Variants in NIPSNAP2 observed in about 807,000 individuals in gnomAD.
NIPSNAP2 encodes protein NipSnap homolog 2.
A neutral mutation model predicts 48.4 loss-of-function variants in NIPSNAP2; 42 were observed. The observed-to-expected ratio is 0.87, with a 90% CI of 0.68 to 1.12. NIPSNAP2 has a LOEUF of 1.12. Ranked by LOEUF, NIPSNAP2 falls within the 50% of genes most tolerant of loss-of-function variation. NIPSNAP2 has a pLI of 0.00. For missense variants in NIPSNAP2, 314 were observed against 347.3 expected, an observed-to-expected ratio of 0.90 and a Z score of 0.76; for synonymous variants, 158 against 126.6, an observed-to-expected ratio of 1.25 and a Z score of -1.67.
At chr7:55,995,409 C>A (rs1456782927) in intron 8 of NIPSNAP2, among the ~76,000 whole-genome samples, 3 of 152,178 alleles carry the variant, frequency 2.0e-5, no homozygotes, top group Non-Finnish European at 4.4e-5. Flanking sequence ...TCCACTGTCT[C>A]ATGACATTGA....
At chr7:55,983,524 A>G (rs1284111150) in intron 5 of NIPSNAP2, among the ~76,000 whole-genome samples, 1 of 152,232 alleles carries the variant, frequency 6.6e-6, no homozygotes, top group Non-Finnish European at 1.5e-5. Flanking sequence ...GTAATTTGTC[A>G]TCTAAACCTG....
intron 7 of NIPSNAP2, among the ~76,000 whole-genome samples, chr7:55,991,011 G>A (rs528707404): frequency 3.9e-5 from 6 of 151,924 alleles, no homozygotes; most frequent in South Asian, 2.1e-4. Flanking sequence ...GGCTGATCTC[G>A]AACTTCTGAC....
intron 7 of NIPSNAP2, among the ~76,000 whole-genome samples, chr7:55,991,210 T>G (rs889485477): frequency 5.9e-5 from 9 of 152,232 alleles, no homozygotes; most frequent in African/African-American, 2.2e-4. Context: ...CTTTCCTCCT[T>G]AGATCATCAA....
chr7:55,986,888 C>T (rs1017086632), intron 7 of NIPSNAP2, among the ~76,000 whole-genome samples: 16 of 146,058 alleles, frequency 1.1e-4, no homozygotes, highest in African/African-American at 3.3e-4. Flanking sequence ...GGCTCACACC[C>T]GTAATCCTAG....
chr7:55,981,053 C>T (rs1787205094), intron 3 of NIPSNAP2: 1 of 152,762 alleles, frequency 6.5e-6, no homozygotes, highest in Non-Finnish European at 1.5e-5. Flanking sequence ...TCCTCCCTTT[C>T]CATCTTCCTT....
intron 1 of NIPSNAP2, among the ~76,000 whole-genome samples, chr7:55,973,429 A>G (rs564585701): frequency 6.6e-6 from 1 of 151,680 alleles, no homozygotes; most frequent in Non-Finnish European, 1.5e-5. Context: ...TTTCTTTATA[A>G]TTATTTATAG....
At chr7:55,982,354 T>C in intron 5 of NIPSNAP2, 74 bp downstream of exon 5, 1 of 915,880 alleles carries the variant, frequency 1.1e-6, no homozygotes, top group Non-Finnish European at 1.7e-6. Context: ...GACTTTTCTG[T>C]CTTCAGTTTT....
At chr7:55,998,290 A>T (rs1267374130) in intron 9 of NIPSNAP2, among the ~76,000 whole-genome samples, 1 of 152,072 alleles carries the variant, frequency 6.6e-6, no homozygotes, top group East Asian at 1.9e-4. Flanking sequence ...CTACCAAGAA[A>T]ATAAAAGAGT....
At chr7:55,998,500 T>TTG (rs1228971366) in intron 9 of NIPSNAP2, among the ~76,000 whole-genome samples, 3 of 127,130 alleles carry the variant, frequency 2.4e-5, no homozygotes, top group Non-Finnish European at 5.0e-5. Flanking sequence ...TCTGTTTTTT[T>TTG]TTTTTTTTTT....
At chr7:55,984,120 A>G (rs1321727193) in intron 6 of NIPSNAP2, among the ~76,000 whole-genome samples, 1 of 145,158 alleles carries the variant, frequency 6.9e-6, no homozygotes, top group Non-Finnish European at 1.6e-5. Context: ...AAGAAGAAAG[A>G]CCTAAAGTGC....
intron 3 of NIPSNAP2, chr7:55,979,985 C>T (rs866740478): frequency 5.1e-6 from 2 of 390,358 alleles, no homozygotes; most frequent in South Asian, 3.7e-5. Flanking sequence ...ACCTGGGCCC[C>T]GTTGCCAGGC....
chr7:55,986,687 G>T (rs924549259), intron 7 of NIPSNAP2, among the ~76,000 whole-genome samples: 4 of 149,764 alleles, frequency 2.7e-5, no homozygotes, highest in African/African-American at 5.0e-5. Flanking sequence ...CTTACTTTCA[G>T]TGATACTAAA....
intron 1 of NIPSNAP2, among the ~76,000 whole-genome samples, chr7:55,966,116 G>A (rs1285450734): frequency 1.8e-4 from 28 of 152,186 alleles, no homozygotes; most frequent in Admixed American, 1.8e-3. Context: ...GAAGAATTCA[G>A]AGCAGTTTAG....
At position 55,997,594 on chromosome 7, in the gene NIPSNAP2, A is replaced by G. The variant is rs563627234; in HGVS notation, c.796+145A>G. On this transcript the variant is annotated intron_variant, in intron 9 of 9. Transcript: ENST00000322090. ...GTTGTGGGGGGAAGGGAGATAGTCAATTTTTCTCTAATACTTACATGACTT... is the reference window on the plus strand; with the variant it reads ...GTTGTGGGGGGAAGGGAGATAGTCAGTTTTTCTCTAATACTTACATGACTT... 188 of 587,518 alleles carry G rather than the reference A, an allele frequency of 3.2e-4. 1 individual carries two copies. Among genetic ancestry groups the G allele is most frequent in the Non-Finnish European group, 4.4e-4 (145 of 330,812 alleles). The allele number at this position is 587,518 out of a possible 1,614,324, so 36.4% of individuals were successfully genotyped here.
intron 1 of NIPSNAP2, among the ~76,000 whole-genome samples, chr7:55,976,182 CTG>C (rs78423066): frequency 0.18 from 28,120 of 152,148 alleles, 3,093 homozygotes; most frequent in East Asian, 0.34. Context: ...ACAGCTCACT[CTG>C]TATGTGTATA....
chr7:55,991,961 A>T (rs993962280), intron 7 of NIPSNAP2: 1 of 170,452 alleles, frequency 5.9e-6, no homozygotes, highest in Non-Finnish European at 1.3e-5. Context: ...AATATTTATC[A>T]CTATCAATGA....
At chr7:55,984,953 G>GA (rs1399244752) in intron 7 of NIPSNAP2, 75 bp downstream of exon 7, 17 of 1,181,186 alleles carry the variant, frequency 1.4e-5, no homozygotes, top group Non-Finnish European at 1.9e-5. Context: ...TAATTCTAGG[G>GA]AAAAAAATCT....
chr7:55,970,741 T>C (rs73138734), intron 1 of NIPSNAP2, among the ~76,000 whole-genome samples: 5,165 of 152,226 alleles, frequency 0.034, 148 homozygotes, highest in Admixed American at 0.093. Flanking sequence ...TCCAGACATA[T>C]GCCATTCAGT....
At chr7:55,995,790 G>A (rs755617902) in intron 8 of NIPSNAP2, among the ~76,000 whole-genome samples, 3 of 152,144 alleles carry the variant, frequency 2.0e-5, no homozygotes, top group Admixed American at 6.6e-5. Context: ...TGTGAATGGC[G>A]GAGCTCTCAT....
Sources: gnomAD v4.1 joint callset for allele counts (sites outside exome capture counted in the v4.1 genomes callset) on GRCh38, gnomAD v4.1.1 for gene constraint, MANE v1.5 for transcripts, NCBI Gene and HGNC (gene_info 2026-07-23, HGNC 2026-07-21) for gene names.